Variants in ROCK2 observed in about 807,000 individuals in gnomAD.
ROCK2 encodes the protein rho-associated protein kinase 2.
A neutral mutation model predicts 195.1 loss-of-function variants in ROCK2; 61 were observed. That is an observed-to-expected ratio of 0.31 (90% CI 0.25 to 0.39). The LOEUF (loss-of-function observed/expected upper bound fraction) is 0.39, where lower values mean the gene tolerates loss of function less well. Ranked by LOEUF, ROCK2 falls within the 10% of genes least tolerant of loss-of-function variation. ROCK2 has a pLI of 1.00. For synonymous variants in ROCK2, 504 were observed against 545.5 expected, an observed-to-expected ratio of 0.92 and a Z score of 1.06; for missense variants, 1,109 against 1,637.4, an observed-to-expected ratio of 0.68 and a Z score of 5.57.
chr2:11,237,785 TGAA>T (rs1217012665), intron 4 of ROCK2, among the ~76,000 whole-genome samples: 1 of 152,134 alleles, frequency 6.6e-6, no homozygotes, highest in African/African-American at 2.4e-5. Context: ...TTTGACAAAA[TGAA>T]GAATAGCTGG....
At chr2:11,295,844 C>G (rs1435331373) in intron 1 of ROCK2, among the ~76,000 whole-genome samples, 1 of 152,040 alleles carries the variant, frequency 6.6e-6, no homozygotes, top group Non-Finnish European at 1.5e-5. Flanking sequence ...GTAATCCCAG[C>G]TACTTGGAAG....
At chr2:11,314,379 A>C (rs547815750) in intron 1 of ROCK2, among the ~76,000 whole-genome samples, 1 of 152,054 alleles carries the variant, frequency 6.6e-6, no homozygotes, top group East Asian at 1.9e-4. Flanking sequence ...ACTATTATTC[A>C]CTAAAACACA....
intron 7 of ROCK2, among the ~76,000 whole-genome samples, chr2:11,222,392 T>A (rs555210794): frequency 2.0e-5 from 3 of 152,232 alleles, no homozygotes; most frequent in Non-Finnish European, 2.9e-5. Flanking sequence ...ATAAATGTCA[T>A]GAAAAGTAAA....
intron 3 of ROCK2, among the ~76,000 whole-genome samples, chr2:11,268,385 A>T (rs2148159820): frequency 6.6e-6 from 1 of 152,298 alleles, no homozygotes; most frequent in South Asian, 2.1e-4. Flanking sequence ...CACTTCCAAG[A>T]GGGTTAAAGG....
chr2:11,212,533 T>C (rs576250822), intron 17 of ROCK2, among the ~76,000 whole-genome samples: 1 of 152,178 alleles, frequency 6.6e-6, no homozygotes, highest in Admixed American at 6.5e-5. Context: ...TTGCATCCTT[T>C]CTGTTGCTCC....
At chr2:11,338,203 T>C (rs374444810) in intron 1 of ROCK2, among the ~76,000 whole-genome samples, 2 of 151,914 alleles carry the variant, frequency 1.3e-5, no homozygotes, top group African/African-American at 2.4e-5. Context: ...AAATAAAAAT[T>C]AGCCAATTAC....
At chr2:11,337,298 C>A (rs1305830969) in intron 1 of ROCK2, among the ~76,000 whole-genome samples, 1 of 148,676 alleles carries the variant, frequency 6.7e-6, no homozygotes, top group Non-Finnish European at 1.5e-5. Flanking sequence ...TAGGAAAAAA[C>A]ATTCACAAAA....
At position 11,248,708 on chromosome 2, in the gene ROCK2, C is replaced by CAAAAAAAAAAAAAAAAAAAAAAAAA. The variant is rs70953372; in HGVS notation, c.462+928_462+952dup. Among the ~76,000 whole-genome samples the CAAAAAAAAAAAAAAAAAAAAAAAAA allele has an allele frequency of 5.3e-4, 24 of 45,416 alleles. 1 individual carries two copies. Among genetic ancestry groups the CAAAAAAAAAAAAAAAAAAAAAAAAA allele is most frequent in the African/African-American group, 1.8e-3 (13 of 7,398 alleles). 29.8% of individuals were successfully genotyped at this position (45,416 alleles called of 152,430 possible). ...TGAGCAACAGAGCAAGACTTCATCT[C>CAAAAAAAAAAAAAAAAAAAAAAAAA]AAAAAAAAAAAAAAAAAAAAAAAAA... On this transcript the variant is annotated intron_variant, in intron 4 of 32. Coordinates refer to ENST00000315872, the MANE Select transcript of ROCK2 (RefSeq NM_004850.5).
At chr2:11,260,487 CCTT>C (rs1453619194) in intron 3 of ROCK2, among the ~76,000 whole-genome samples, 1 of 149,148 alleles carries the variant, frequency 6.7e-6, no homozygotes, top group Non-Finnish European at 1.5e-5. Context: ...CTAACATAGT[CCTT>C]CTTCTATATA....
chr2:11,187,830 G>A (rs1400073543), intron 32 of ROCK2, among the ~76,000 whole-genome samples: 2 of 152,104 alleles, frequency 1.3e-5, no homozygotes, highest in Non-Finnish European at 2.9e-5. Flanking sequence ...ACTTCAAATT[G>A]TATATAACTT....
At position 11,296,384 on chromosome 2, in the gene ROCK2, C is replaced by T. The variant is rs565239016; in HGVS notation, c.142-8648G>A. Among the ~76,000 whole-genome samples, 9 of 152,264 alleles carry T rather than the reference C, an allele frequency of 5.9e-5. No homozygotes were observed. The South Asian group carries it at 1.9e-3, about 32-fold the overall frequency. On this transcript the variant is annotated intron_variant, in intron 1 of 32. Coordinates refer to ENST00000315872, the MANE Select transcript of ROCK2 (RefSeq NM_004850.5). ...ACACTTAATGACAAGAAACAGTCTT[C>T]CCAGCCTGTTTCTAGTCAATTGTCA...
At chr2:11,188,372 AG>A (rs1271602601) in intron 32 of ROCK2, among the ~76,000 whole-genome samples, 2 of 152,090 alleles carry the variant, frequency 1.3e-5, no homozygotes, top group African/African-American at 4.8e-5. Flanking sequence ...GGCCTCCCAA[AG>A]TGCTGGGATT....
intron 3 of ROCK2, among the ~76,000 whole-genome samples, chr2:11,255,928 CAAAAAAAAAAAA>C (rs57678031): frequency 2.7e-4 from 9 of 33,072 alleles, no homozygotes; most frequent in East Asian, 9.4e-4. Context: ...GACTCCATCT[CAAAAAAAAAAAA>C]AAAAAAAAAA....
At chr2:11,245,420 A>T (rs1558323115) in intron 4 of ROCK2, among the ~76,000 whole-genome samples, 1 of 152,122 alleles carries the variant, frequency 6.6e-6, no homozygotes, top group African/African-American at 2.4e-5. Context: ...AAAAATTTAA[A>T]ATAGTTACAA....
chr2:11,232,827 A>G (rs1665067670), intron 5 of ROCK2, among the ~76,000 whole-genome samples: 1 of 152,218 alleles, frequency 6.6e-6, no homozygotes, highest in Non-Finnish European at 1.5e-5. Context: ...CAAGAAACCA[A>G]TTTAAAAGAG....
At chr2:11,199,303 TTTTC>T (rs1288749075) in intron 23 of ROCK2, among the ~76,000 whole-genome samples, 2 of 111,024 alleles carry the variant, frequency 1.8e-5, no homozygotes, top group African/African-American at 2.8e-5. Flanking sequence ...CTTTATGTGA[TTTTC>T]TTTTTTTTTT....
At chr2:11,250,632 A>C (rs1285512902) in intron 3 of ROCK2, among the ~76,000 whole-genome samples, 1 of 152,204 alleles carries the variant, frequency 6.6e-6, no homozygotes, top group Non-Finnish European at 1.5e-5. Context: ...GTAAATGGTA[A>C]AATGGTAGCT....
At chr2:11,263,003 T>C (rs184121270) in intron 3 of ROCK2, among the ~76,000 whole-genome samples, 1 of 152,298 alleles carries the variant, frequency 6.6e-6, no homozygotes, top group Admixed American at 6.5e-5. Flanking sequence ...CATTTTCTGT[T>C]TGTGGCAGCC....
chr2:11,256,419 G>A (rs954307362), intron 3 of ROCK2, among the ~76,000 whole-genome samples: 1 of 151,154 alleles, frequency 6.6e-6, no homozygotes, highest in Admixed American at 6.6e-5. Context: ...TTCACCTTCT[G>A]CCATGATTGT....
Sources: allele counts gnomAD v4.1 joint callset (sites outside exome capture counted in the v4.1 genomes callset), GRCh38; gene constraint gnomAD v4.1.1; transcripts MANE v1.5; gene names NCBI Gene and HGNC (gene_info 2026-07-23, HGNC 2026-07-21).